Variants in ST6GAL1 observed in about 807,000 individuals in gnomAD.
The protein encoded by ST6GAL1 is beta-galactoside alpha-2,6-sialyltransferase 1.
In ST6GAL1, 20 loss-of-function variants were observed where a neutral mutation model predicts 38.0. The ratio of observed to expected loss-of-function variants is 0.53; its 90% confidence interval spans 0.37 to 0.77. The LOEUF is 0.77. Among genes scored for constraint, ST6GAL1 ranks in the 30% least tolerant of loss-of-function variants. ST6GAL1 has a pLI of 0.00. For missense variants in ST6GAL1, 432 were observed against 496.4 expected, an observed-to-expected ratio of 0.87 and a Z score of 1.23; for synonymous variants, 196 against 188.2, an observed-to-expected ratio of 1.04 and a Z score of -0.34.
intron 2 of ST6GAL1, among the ~76,000 whole-genome samples, chr3:187,027,279 A>C (rs1011527457): frequency 6.6e-6 from 1 of 152,106 alleles, no homozygotes; most frequent in Non-Finnish European, 1.5e-5. Flanking sequence ...TTCTCAGCCT[A>C]GCACTTCTCT....
intron 2 of ST6GAL1, among the ~76,000 whole-genome samples, chr3:187,023,856 C>T (rs1031020193): frequency 3.1e-4 from 46 of 149,952 alleles, no homozygotes; most frequent in African/African-American, 1.1e-3. Context: ...GCACGTTGTG[C>T]ACATGTACCC....
At chr3:186,968,297 GT>G (rs1715221631) in intron 2 of ST6GAL1, among the ~76,000 whole-genome samples, 1 of 152,116 alleles carries the variant, frequency 6.6e-6, no homozygotes, top group Admixed American at 6.5e-5. Context: ...TTTATATAAA[GT>G]TTTTTCCCCA....
At chr3:186,961,470 G>A (rs1714934697) in intron 1 of ST6GAL1, among the ~76,000 whole-genome samples, 2 of 152,190 alleles carry the variant, frequency 1.3e-5, no homozygotes, top group African/African-American at 2.4e-5. Context: ...TGTCCATCAG[G>A]GGAAGTCCAG....
intron 1 of ST6GAL1, among the ~76,000 whole-genome samples, chr3:186,959,850 C>T (rs1560142331): frequency 1.3e-5 from 2 of 152,326 alleles, no homozygotes; most frequent in Non-Finnish European, 2.9e-5. Context: ...AAAACCATTG[C>T]TCACATCTCA....
rs567344274 is a variant in ST6GAL1 at position 187,028,730 on chromosome 3, A to G, written c.-182-10012A>G. On this transcript the variant is annotated intron_variant, in intron 2 of 7. Coordinates refer to ENST00000169298, the MANE Select transcript of ST6GAL1 (RefSeq NM_173216.2). ...TACATATTATTATATCTGCGAAGCC[A>G]TTTGTTTTTTATTCCCATTTACTTG... 3.9e-5 allele frequency among the ~76,000 whole-genome samples: 6 copies of G among 152,282 alleles called. No individual in the cohort carries two copies. In the South Asian group the frequency reaches 1.0e-3, roughly 26 times the overall value.
chr3:187,074,471 A>G, intron 7 of ST6GAL1, 138 bp downstream of exon 7: 1 of 914,962 alleles, frequency 1.1e-6, no homozygotes, highest in Non-Finnish European at 1.5e-6. Context: ...CTTGTAGACC[A>G]TGCCAAGTTC....
intron 2 of ST6GAL1, among the ~76,000 whole-genome samples, chr3:187,030,441 A>T (rs1455838399): frequency 6.6e-6 from 1 of 151,954 alleles, no homozygotes; most frequent in African/African-American, 2.4e-5. Flanking sequence ...TTCATTTTTT[A>T]TTTTATTTTT....
intron 5 of ST6GAL1, among the ~76,000 whole-genome samples, chr3:187,060,690 C>T (rs1224994842): frequency 6.6e-6 from 1 of 152,104 alleles, no homozygotes. Context: ...GTTTTAATGT[C>T]GCATTAGATG....
At chr3:186,961,879 T>C (rs4263286) in intron 1 of ST6GAL1, among the ~76,000 whole-genome samples, 152,157 of 152,228 alleles carry the variant, frequency 1, 76,043 homozygotes, top group Non-Finnish European at 1. Context: ...CAGTGCCCAC[T>C]CTACCTCCAC....
chr3:186,996,824 G>A (rs540093372), intron 2 of ST6GAL1, among the ~76,000 whole-genome samples: 1 of 151,926 alleles, frequency 6.6e-6, no homozygotes, highest in African/African-American at 2.4e-5. Flanking sequence ...AGTCCTTCCT[G>A]TTGGCCACTA....
At chr3:186,951,215 C>A (rs1471614528) in intron 1 of ST6GAL1, among the ~76,000 whole-genome samples, 1 of 152,078 alleles carries the variant, frequency 6.6e-6, no homozygotes, top group African/African-American at 2.4e-5. Flanking sequence ...GCCAACGTGA[C>A]CCGCTCATTT....
chr3:187,053,927 A>T (rs1718600934), intron 5 of ST6GAL1, among the ~76,000 whole-genome samples: 3 of 152,230 alleles, frequency 2.0e-5, no homozygotes. Flanking sequence ...CTTCCTAACC[A>T]TGAGCATGGA....
chr3:187,032,366 G>T lies in ST6GAL1; in HGVS notation c.-182-6376G>T, dbSNP rs182519008. On this transcript the variant is annotated intron_variant, in intron 2 of 7. Transcript: ENST00000169298. ...GCAAACCAGCATTCACAGGCAAGAG[G>T]TATCATCCAAAAGTCTGGTGACTGC... Among the ~76,000 whole-genome samples, 21 of 152,262 alleles carry T rather than the reference G, an allele frequency of 1.4e-4. No homozygotes were observed. The East Asian group carries it at 4.1e-3, about 29-fold the overall frequency.
chr3:187,028,527 T>A (rs1717625041), intron 2 of ST6GAL1, among the ~76,000 whole-genome samples: 1 of 152,232 alleles, frequency 6.6e-6, no homozygotes, highest in Non-Finnish European at 1.5e-5. Flanking sequence ...TTAAAGTAGA[T>A]TTCATCTCTT....
intron 1 of ST6GAL1, among the ~76,000 whole-genome samples, chr3:186,957,628 C>T (rs974773231): frequency 5.9e-5 from 9 of 151,978 alleles, no homozygotes. Flanking sequence ...GTACCTGGGG[C>T]TGTGACTTGA....
intron 4 of ST6GAL1, among the ~76,000 whole-genome samples, chr3:187,048,710 A>G (rs1718394755): frequency 1.3e-5 from 2 of 152,154 alleles, no homozygotes; most frequent in Admixed American, 6.5e-5. Context: ...TGCCTGGCAT[A>G]GAGTAGGTGC....
Position 186,943,334 on chromosome 3 carries a change from T to C in ST6GAL1, c.-325+12500T>C, listed in dbSNP as rs374985574. On this transcript the variant is annotated intron_variant, in intron 1 of 7. Transcript: ENST00000169298. ...GGAAACACTAGCAGGTTGATATTCC[T>C]GGAGAGAAATGCATGAGGCATGAAG... Among the ~76,000 whole-genome samples the C allele has an allele frequency of 4.6e-5, 7 of 152,350 alleles. No individual in the cohort carries two copies. The East Asian group carries it at 7.7e-4, about 17-fold the overall frequency.
rs141752776 is a variant in ST6GAL1, at chr3:187,011,278, C to T, written c.-182-27464C>T. ...CCTCCCAAAGTGCTGGGATTACAGG[C>T]GTGAGCCACCGTGCCCGGAGAAAAA... On this transcript the variant is annotated intron_variant, in intron 2 of 7. Transcript: ENST00000169298. Among the ~76,000 whole-genome samples, 779 of 152,334 alleles carry T rather than the reference C, an allele frequency of 5.1e-3. 22 individuals carry two copies. In the East Asian group the frequency reaches 0.08, roughly 16 times the overall value.
intron 5 of ST6GAL1, 166 bp downstream of exon 5, chr3:187,051,512 C>A: frequency 1.6e-6 from 1 of 614,354 alleles, no homozygotes; most frequent in Non-Finnish European, 2.9e-6. Flanking sequence ...CATGACCCAA[C>A]CTGATGATGT....
Sources: allele counts gnomAD v4.1 joint callset (sites outside exome capture counted in the v4.1 genomes callset), GRCh38; gene constraint gnomAD v4.1.1; transcripts MANE v1.5; gene names NCBI Gene and HGNC (gene_info 2026-07-23, HGNC 2026-07-21).